The following SRPK2 variants were observed in gnomAD, a reference collection of about 807,000 sequenced individuals.
SRPK2 encodes SRSF protein kinase 2.
A neutral mutation model predicts 90.8 loss-of-function variants in SRPK2; 21 were observed. The ratio of observed to expected loss-of-function variants is 0.23; its 90% CI spans 0.16 to 0.33. The LOEUF is 0.33. Ranked by LOEUF, SRPK2 falls within the 10% of genes least tolerant of loss-of-function variation. The probability of loss-of-function intolerance (pLI) is 1.00; values close to 1 mark genes in which losing one functional copy is unlikely to be tolerated. For synonymous variants in SRPK2, 288 were observed against 311.1 expected, an observed-to-expected ratio of 0.93 and a Z score of 0.78; for missense variants, 620 against 869.0, an observed-to-expected ratio of 0.71 and a Z score of 3.60.
chr7:105,157,568 G>A (rs1806704828), intron 7 of SRPK2, among the ~76,000 whole-genome samples: 1 of 152,060 alleles, frequency 6.6e-6, no homozygotes, highest in Non-Finnish European at 1.5e-5. Flanking sequence ...AAAAAATCCA[G>A]ATTCCATGAT....
chr7:105,210,565 C>CT (rs1197841438), intron 2 of SRPK2, among the ~76,000 whole-genome samples: 2 of 152,158 alleles, frequency 1.3e-5, no homozygotes, highest in African/African-American at 4.8e-5. Context: ...AGTTCAAAAA[C>CT]TTTGTGTAAA....
intron 2 of SRPK2, among the ~76,000 whole-genome samples, chr7:105,258,194 G>A (rs1210472136): frequency 1.3e-5 from 2 of 151,456 alleles, no homozygotes; most frequent in African/African-American, 2.4e-5. Context: ...CGAGGCAGGC[G>A]GATCACGAGG....
chr7:105,150,634 T>C (rs1281043310), intron 7 of SRPK2, among the ~76,000 whole-genome samples: 1 of 152,236 alleles, frequency 6.6e-6, no homozygotes, highest in African/African-American at 2.4e-5. Context: ...CACAATCCAA[T>C]GGGCTCATGT....
At chr7:105,243,680 C>T (rs919932406) in intron 2 of SRPK2, among the ~76,000 whole-genome samples, 8 of 146,592 alleles carry the variant, frequency 5.5e-5, no homozygotes, top group African/African-American at 1.5e-4. Flanking sequence ...AAATAACGAA[C>T]GGTAAATTTA....
intron 2 of SRPK2, among the ~76,000 whole-genome samples, chr7:105,250,944 G>C (rs1802403473): frequency 6.6e-6 from 1 of 152,142 alleles, no homozygotes. Context: ...GTACTGCCAA[G>C]CAGAGCCTAA....
intron 15 of SRPK2, chr7:105,126,011 G>A (rs1004416074): frequency 1.3e-4 from 85 of 649,240 alleles, no homozygotes; most frequent in Non-Finnish European, 1.0e-4. Context: ...CCTTCCTCGC[G>A]TTGCTGGATT....
At chr7:105,210,357 T>C (rs1461658561) in intron 2 of SRPK2, among the ~76,000 whole-genome samples, 1 of 152,298 alleles carries the variant, frequency 6.6e-6, no homozygotes, top group East Asian at 1.9e-4. Context: ...ACCCTATATC[T>C]ATAACTTTTC....
chr7:105,171,008 A>G lies in SRPK2; in HGVS notation c.230-1743T>C, dbSNP rs1791045776. ...GAAAGAAAGAAAGAGAAAGAAAGAAAGAAAGAGAGGAAGGAAGGAAGGAAG... is the reference window on the plus strand; with the variant it reads ...GAAAGAAAGAAAGAGAAAGAAAGAAGGAAAGAGAGGAAGGAAGGAAGGAAG... On this transcript the variant is annotated intron_variant, in intron 3 of 15. Coordinates refer to ENST00000393651, the MANE Select transcript of SRPK2 (RefSeq NM_182692.3). Among the ~76,000 whole-genome samples, 4 of 131,060 alleles carry G rather than the reference A, an allele frequency of 3.1e-5. No individual in the cohort carries two copies. In the Admixed American group the frequency reaches 3.1e-4, roughly 10 times the overall value. The allele number at this position is 131,060 out of a possible 152,430, so 86.0% of individuals were successfully genotyped here.
intron 2 of SRPK2, among the ~76,000 whole-genome samples, chr7:105,363,792 C>T (rs1315618723): frequency 1.3e-5 from 2 of 152,148 alleles, no homozygotes; most frequent in East Asian, 3.8e-4. Context: ...CCCAAATGTC[C>T]ATCAATGATA....
intron 2 of SRPK2, among the ~76,000 whole-genome samples, chr7:105,260,289 T>C (rs1368503060): frequency 6.6e-6 from 1 of 152,118 alleles, no homozygotes; most frequent in African/African-American, 2.4e-5. Flanking sequence ...AAAATGCTCA[T>C]CATCACTGGT....
In SRPK2 at chr7:105,127,244, T is replaced by G. The variant is rs980679190; in HGVS notation, c.1753-182A>C. Among the ~76,000 whole-genome samples the G allele has an allele frequency of 7.9e-5, 12 of 152,384 alleles. 1 individual carries two copies. Among genetic ancestry groups the G allele is most frequent in the African/African-American group, 2.6e-4 (11 of 41,600 alleles). On this transcript the variant is annotated intron_variant, in intron 13 of 15. Coordinates refer to ENST00000393651, the MANE Select transcript of SRPK2 (RefSeq NM_182692.3). ...CATTCAAAGAAGTTTCAGAAGTATTTTTACATTTCTAAGGAAAGATATAAG... is the reference window on the plus strand; with the variant it reads ...CATTCAAAGAAGTTTCAGAAGTATTGTTACATTTCTAAGGAAAGATATAAG...
chr7:105,205,495 A>C (rs549699914), intron 2 of SRPK2, among the ~76,000 whole-genome samples: 1 of 137,676 alleles, frequency 7.3e-6, no homozygotes, highest in Non-Finnish European at 1.5e-5. Flanking sequence ...AATAATATTC[A>C]TTCTCTCTCT....
intron 2 of SRPK2, among the ~76,000 whole-genome samples, chr7:105,346,974 A>G (rs1239703093): frequency 6.6e-6 from 1 of 151,944 alleles, no homozygotes; most frequent in East Asian, 1.9e-4. Flanking sequence ...AAAATTCTAC[A>G]TGAAGAAATA....
intron 2 of SRPK2, among the ~76,000 whole-genome samples, chr7:105,323,281 A>G (rs957992873): frequency 8.5e-5 from 13 of 152,238 alleles, no homozygotes; most frequent in African/African-American, 3.1e-4. Flanking sequence ...AATGCTAGAG[A>G]AAAGTATACA....
Position 105,335,650 on chromosome 7 carries a change from T to TA in SRPK2, c.71+52997_71+52998insT, listed in dbSNP as rs1815009200. The stretch of plus-strand genomic sequence containing the variant: ...CCGGGTGACAGAACAAGACCATCTT[T>TA]TAAAAAAAAAAAAAAAAAAGCAGCC... On this transcript the variant is annotated intron_variant, in intron 2 of 15. Transcript: ENST00000393651. Among the ~76,000 whole-genome samples the TA allele has an allele frequency of 2.1e-5, 3 of 143,326 alleles. No individual in the cohort carries two copies. In the East Asian group the frequency reaches 6.4e-4, roughly 30 times the overall value. 94.0% of individuals were successfully genotyped at this position (143,326 alleles called of 152,430 possible). A position where few individuals can be genotyped will look rare whatever the true frequency, so the allele number is the denominator to read the frequency against.
At chr7:105,269,307 A>G (rs1002260827) in intron 2 of SRPK2, among the ~76,000 whole-genome samples, 3 of 152,162 alleles carry the variant, frequency 2.0e-5, no homozygotes, top group East Asian at 3.9e-4. Flanking sequence ...CACTAGCCCT[A>G]AAAAATATGG....
chr7:105,176,782 T>C (rs1452462943), intron 3 of SRPK2, among the ~76,000 whole-genome samples: 1 of 151,692 alleles, frequency 6.6e-6, no homozygotes, highest in African/African-American at 2.4e-5. Context: ...TGTATATATA[T>C]ATATACCACG....
intron 2 of SRPK2, among the ~76,000 whole-genome samples, chr7:105,239,511 T>C (rs1034779314): frequency 1.3e-5 from 2 of 152,232 alleles, no homozygotes; most frequent in African/African-American, 4.8e-5. Flanking sequence ...ATCTTTGTTT[T>C]CTCCTCCTGT....
At chr7:105,360,824 T>A (rs965190762) in intron 2 of SRPK2, among the ~76,000 whole-genome samples, 2 of 152,008 alleles carry the variant, frequency 1.3e-5, no homozygotes, top group African/African-American at 2.4e-5. Context: ...ACAGAACGTA[T>A]CTCAAAATAG....
Sources: allele counts gnomAD v4.1 joint callset (sites outside exome capture counted in the v4.1 genomes callset), GRCh38; gene constraint gnomAD v4.1.1; transcripts MANE v1.5; gene names NCBI Gene and HGNC (gene_info 2026-07-23, HGNC 2026-07-21).